MAN2A1: variants seen among roughly 807,000 people sequenced by gnomAD.
MAN2A1 encodes the protein alpha-mannosidase 2.
A neutral mutation model predicts 142.6 loss-of-function variants in MAN2A1; 76 were observed. That is an observed-to-expected ratio of 0.53 (90% CI 0.44 to 0.65). The LOEUF (loss-of-function observed/expected upper bound fraction) is 0.65. Among genes scored for constraint, MAN2A1 ranks in the 30% least tolerant of loss-of-function variants. The pLI is 0.00. For missense variants in MAN2A1, 1,311 were observed against 1,365.1 expected, an observed-to-expected ratio of 0.96 and a Z score of 0.62; for synonymous variants, 559 against 473.2, an observed-to-expected ratio of 1.18 and a Z score of -2.35.
intron 20 of MAN2A1, among the ~76,000 whole-genome samples, chr5:109,857,834 G>A (rs1395099182): frequency 3.3e-5 from 5 of 152,108 alleles, no homozygotes; most frequent in East Asian, 3.9e-4. Flanking sequence ...CTGGCTTCCC[G>A]TTGCTCTTCG....
chr5:109,842,335 A>T lies in MAN2A1; in HGVS notation c.2574A>T (p.Glu858Asp). 1 of 1,548,928 alleles carries T rather than the reference A, an allele frequency of 6.5e-7. No homozygotes were observed. Among genetic ancestry groups the T allele is most frequent in the South Asian group, 1.2e-5 (1 of 83,306 alleles). ...RVRLYHIQGI[E>D]GQSVEVSNIV... ...ATATTTTTTTAAATTTAGGAATAGA[A>T]GGACAGTCTGTGGAAGTTTCCAATA... The change falls in exon 17 of 22, where the codon GAA (glutamate) becomes GAT (aspartate). Residue 858 changes from glutamate to aspartate, a missense_variant. This residue lies in a region of MAN2A1 where 890 missense variants were observed against 920.5 expected (regional missense o/e 0.97). Coordinates refer to ENST00000261483, the MANE Select transcript of MAN2A1 (RefSeq NM_002372.4).
At chr5:109,806,927 G>A (rs995338646) in intron 12 of MAN2A1, among the ~76,000 whole-genome samples, 2 of 152,238 alleles carry the variant, frequency 1.3e-5, no homozygotes, top group African/African-American at 2.4e-5. Context: ...TATAGAGAAA[G>A]GTGTGAAATA....
chr5:109,755,302 T>A, intron 4 of MAN2A1, 27 bp from the exon 5 acceptor site: 12 of 1,570,380 alleles, frequency 7.6e-6, no homozygotes, highest in Non-Finnish European at 1.0e-5. Context: ...CATTTATTAA[T>A]GTAGACTCTT....
rs577306445 is a variant in MAN2A1, at chr5:109,710,596, C to A, written c.136-2924C>A. On this transcript the variant is annotated intron_variant, in intron 1 of 21. Coordinates refer to ENST00000261483, the MANE Select transcript of MAN2A1 (RefSeq NM_002372.4). ...CTTGGTTCACTGCAACCTCTGCTTC[C>A]CAGGTTCAAGCAATTCTTCTGCGTC... Among the ~76,000 whole-genome samples, 12 of 152,212 alleles carry A rather than the reference C, an allele frequency of 7.9e-5. No homozygotes were observed. The East Asian group carries it at 2.3e-3, about 29-fold the overall frequency.
chr5:109,801,469 A>G (rs1295720449), intron 12 of MAN2A1, among the ~76,000 whole-genome samples: 2 of 152,054 alleles, frequency 1.3e-5, no homozygotes, highest in African/African-American at 4.8e-5. Context: ...TTTGTTGTTC[A>G]TTTTGATTTT....
chr5:109,788,717 A>C (rs1340301585), intron 10 of MAN2A1, among the ~76,000 whole-genome samples: 1 of 151,778 alleles, frequency 6.6e-6, no homozygotes, highest in Non-Finnish European at 1.5e-5. Context: ...AGGTGTGTCC[A>C]GAAAGCTTTC....
chr5:109,774,134 A>T (rs1753220574), intron 7 of MAN2A1, among the ~76,000 whole-genome samples: 1 of 152,100 alleles, frequency 6.6e-6, no homozygotes, highest in African/African-American at 2.4e-5. Context: ...AACTAATTCA[A>T]CTCCTAATCC....
In MAN2A1 at chr5:109,713,843, T is replaced by G. The variant is rs1582815298; in HGVS notation, c.390+69T>G. The G allele has an allele frequency of 2.5e-5, 36 of 1,434,930 alleles. No individual in the cohort carries two copies. In the East Asian group the frequency reaches 8.0e-4, roughly 32 times the overall value. 88.9% of individuals were successfully genotyped at this position (1,434,930 alleles called of 1,614,324 possible). A position where few individuals can be genotyped will look rare whatever the true frequency, so the allele number is the denominator to read the frequency against. ...TTGTTCTTTTTAAGATTTGACCTGATGTCTGTTCTGACTTGGTAAGTTGCT... is the reference window on the plus strand; with the variant it reads ...TTGTTCTTTTTAAGATTTGACCTGAGGTCTGTTCTGACTTGGTAAGTTGCT... On this transcript the variant is annotated intron_variant, in intron 2 of 21. Transcript: ENST00000261483.
intron 4 of MAN2A1, among the ~76,000 whole-genome samples, chr5:109,740,887 A>C (rs1582846684): frequency 6.6e-6 from 1 of 152,138 alleles, no homozygotes; most frequent in East Asian, 1.9e-4. Flanking sequence ...ACCTGGATGC[A>C]AATTTTCCTC....
chr5:109,797,855 A>T (rs1202630013), intron 12 of MAN2A1, among the ~76,000 whole-genome samples: 2 of 152,224 alleles, frequency 1.3e-5, no homozygotes, highest in African/African-American at 4.8e-5. Flanking sequence ...CTTAGACAGG[A>T]AGACTATGAA....
At chr5:109,780,669 C>A (rs565699600) in intron 8 of MAN2A1, among the ~76,000 whole-genome samples, 2 of 152,148 alleles carry the variant, frequency 1.3e-5, no homozygotes, top group South Asian at 2.1e-4. Context: ...GATTTGGTAT[C>A]GTGTTTCTTT....
At chr5:109,726,647 C>G (rs899173404) in intron 3 of MAN2A1, among the ~76,000 whole-genome samples, 1 of 152,210 alleles carries the variant, frequency 6.6e-6, no homozygotes, top group Middle Eastern at 3.4e-3. Flanking sequence ...ATGATAAACT[C>G]TTTTTTGAAA....
At chr5:109,756,407 T>C (rs917763998) in intron 5 of MAN2A1, among the ~76,000 whole-genome samples, 1 of 152,212 alleles carries the variant, frequency 6.6e-6, no homozygotes, top group African/African-American at 2.4e-5. Context: ...TATGTAAGTA[T>C]ATGTGTTTTT....
rs377353047 is a variant in MAN2A1 at position 109,789,048 on chromosome 5, G to A, written c.1875G>A (p.Met625Ile). Reference sequence around the variant, plus strand: ...ACTCTCCTGATACCTTCCTGGAGATGGTTAGTAATTTCATCTATGGTCATC... The same window carrying A: ...ACTCTCCTGATACCTTCCTGGAGATAGTTAGTAATTTCATCTATGGTCATC... Reference protein sequence around the residue: ...DSYSPDTFLEMDLKQKSQDSL... With the variant: ...DSYSPDTFLEIDLKQKSQDSL... The change falls in exon 11 of 22, where the codon ATG becomes ATA. Residue 625 changes from methionine (M) to isoleucine (I), a missense_variant and splice_region_variant. Physicochemically the swap from Met to Ile is conservative, Grantham distance 10. Around this residue, in one of 3 missense-constraint regions of MAN2A1, gnomAD observed 890 missense variants for 920.5 expected, o/e 0.97. Transcript: ENST00000261483. 6 of 1,466,602 alleles carry A rather than the reference G, an allele frequency of 4.1e-6. No homozygotes were observed. The highest frequency in any genetic ancestry group is 5.7e-6 in the Non-Finnish European group (6 of 1,056,588). 90.8% of individuals were successfully genotyped at this position (1,466,602 alleles called of 1,614,324 possible).
chr5:109,758,311 C>G (rs1341294928), intron 5 of MAN2A1, among the ~76,000 whole-genome samples: 1 of 151,910 alleles, frequency 6.6e-6, no homozygotes, highest in African/African-American at 2.4e-5. Flanking sequence ...ATATCAGCTG[C>G]GTATAGATCT....
chr5:109,817,095 G>C (rs1339876968), intron 12 of MAN2A1, among the ~76,000 whole-genome samples, 178 bp from the exon 13 acceptor site: 1 of 152,120 alleles, frequency 6.6e-6, no homozygotes, highest in African/African-American at 2.4e-5. Context: ...GAGCCCAGGA[G>C]GTTGAGACTG....
chr5:109,721,193 T>G, intron 3 of MAN2A1, among the ~76,000 whole-genome samples: 1 of 152,214 alleles, frequency 6.6e-6, no homozygotes, highest in South Asian at 2.1e-4. Flanking sequence ...TCTCAGAGGT[T>G]GGTGAATTGA....
chr5:109,776,412 T>G (rs984786795), intron 8 of MAN2A1, among the ~76,000 whole-genome samples: 3 of 152,100 alleles, frequency 2.0e-5, no homozygotes, highest in Non-Finnish European at 4.4e-5. Context: ...TCCTGAGAGA[T>G]GATGCTCATA....
At chr5:109,784,463 G>A (rs1267995737) in intron 9 of MAN2A1, among the ~76,000 whole-genome samples, 2 of 152,102 alleles carry the variant, frequency 1.3e-5, no homozygotes, top group African/African-American at 4.8e-5. Flanking sequence ...AAATAAGCCT[G>A]TCTTGCTGCC....
Sources: gnomAD v4.1 joint callset for allele counts (sites outside exome capture counted in the v4.1 genomes callset) on GRCh38, gnomAD v4.1.1 for gene constraint, gnomAD v4.1.1 regional missense constraint, MANE v1.5 for transcripts, NCBI Gene and HGNC (gene_info 2026-07-23, HGNC 2026-07-21) for gene names.